ZNF420: variants seen among roughly 807,000 people sequenced by gnomAD.
ZNF420 encodes zinc finger protein 420, also known as ATM and p53-associated KZNF protein.
In ZNF420, 31 loss-of-function variants were observed where a neutral mutation model predicts 44.7. The ratio of observed to expected loss-of-function variants is 0.69; its 90% confidence interval spans 0.52 to 0.94. The LOEUF (loss-of-function observed/expected upper bound fraction) is 0.94. ZNF420 is among the 40% of genes least tolerant of loss of function. ZNF420 has a pLI of 0.00. For synonymous variants in ZNF420, 245 were observed against 267.4 expected (o/e 0.92, Z 0.82); for missense variants, 681 against 827.9 (o/e 0.82, Z 2.18).
chr19:37,118,706 T>C (rs1416164392), intron 4 of ZNF420, among the ~76,000 whole-genome samples: 2 of 151,748 alleles, frequency 1.3e-5, no homozygotes, highest in African/African-American at 4.8e-5. Context: ...CCCATCAGTG[T>C]GCTGTATTCA....
Position 37,127,330 on chromosome 19 carries a change from A to T in ZNF420, c.339A>T (p.Ile113=). ...QKEYFRQGMI[I]YDKMSIFNQH... ...AATATTTCAGGCAAGGGATGATCATATATGACAAAATGTCCATTTTCAACC... is the reference window on the plus strand; with the variant it reads ...AATATTTCAGGCAAGGGATGATCATTTATGACAAAATGTCCATTTTCAACC... The change falls in exon 5 of 5, where the codon ATA becomes ATT. Residue 113 remains isoleucine, a synonymous_variant. Coordinates refer to ENST00000337995, the MANE Select transcript of ZNF420 (RefSeq NM_144689.5). The T allele has an allele frequency of 6.2e-7, 1 of 1,611,930 alleles. No homozygotes were observed.
At chr19:37,087,158 G>T (rs770677094) in intron 2 of ZNF420, among the ~76,000 whole-genome samples, 9 of 151,900 alleles carry the variant, frequency 5.9e-5, no homozygotes, top group Non-Finnish European at 5.9e-5. Context: ...GATGGCACAT[G>T]CCTGCAGTCC....
At chr19:37,063,374 T>G (rs1403888805) in intron 1 of ZNF420, among the ~76,000 whole-genome samples, 1 of 152,170 alleles carries the variant, frequency 6.6e-6, no homozygotes, top group Non-Finnish European at 1.5e-5. Context: ...TCCCAGGCAT[T>G]GTGAAGACCC....
chr19:37,012,756 C>CTA (rs1328525013), intron 1 of ZNF420, among the ~76,000 whole-genome samples: 11 of 111,232 alleles, frequency 9.9e-5, no homozygotes, highest in Admixed American at 2.0e-4. Flanking sequence ...TGTGCCACTG[C>CTA]TATATGTCTC....
At chr19:37,126,441 T>G (rs1971350352) in intron 4 of ZNF420, among the ~76,000 whole-genome samples, 1 of 152,034 alleles carries the variant, frequency 6.6e-6, no homozygotes, top group Non-Finnish European at 1.5e-5. Context: ...GAGAAGACCA[T>G]GGAAGGGGAA....
At chr19:37,084,409 C>T (rs1968642997) in intron 2 of ZNF420, among the ~76,000 whole-genome samples, 1 of 151,798 alleles carries the variant, frequency 6.6e-6, no homozygotes, top group Non-Finnish European at 1.5e-5. Flanking sequence ...ACTTGTGGTT[C>T]CAAAGTCAAA....
chr19:37,107,709 G>A (rs145434225), intron 4 of ZNF420: 2,656 of 152,374 alleles, frequency 0.017, 39 homozygotes, highest in Middle Eastern at 0.054. Context: ...ACAACAGACA[G>A]AACAGGCACA....
chr19:37,027,679 A>G (rs891593747), intron 1 of ZNF420, among the ~76,000 whole-genome samples: 1 of 152,188 alleles, frequency 6.6e-6, no homozygotes, highest in African/African-American at 2.4e-5. Context: ...ACTATACACT[A>G]TGTGGCCTTT....
At chr19:37,049,213 A>G (rs1490614037) in intron 1 of ZNF420, among the ~76,000 whole-genome samples, 1 of 152,126 alleles carries the variant, frequency 6.6e-6, no homozygotes, top group Non-Finnish European at 1.5e-5. Flanking sequence ...ATGATTTCTA[A>G]TGCTTTGGGT....
chr19:37,120,481 A>G (rs905338309), intron 4 of ZNF420, among the ~76,000 whole-genome samples: 2 of 152,180 alleles, frequency 1.3e-5, no homozygotes, highest in African/African-American at 4.8e-5. Flanking sequence ...TCTCAAAATA[A>G]TAAGAGCTAT....
At chr19:37,076,260 T>G (rs1369746968), upstream of ZNF420, among the ~76,000 whole-genome samples, 2 of 151,784 alleles carry the variant, frequency 1.3e-5, no homozygotes, top group Non-Finnish European at 2.9e-5. Context: ...CGGCTCAAGA[T>G]CAATGCATGC....
chr19:37,025,043 GT>G, intron 1 of ZNF420: 1 of 233,272 alleles, frequency 4.3e-6, no homozygotes. Flanking sequence ...TCTCACATTT[GT>G]TACATTAAAA....
At chr19:37,011,729 T>C (rs964417309) in intron 1 of ZNF420, among the ~76,000 whole-genome samples, 7 of 152,142 alleles carry the variant, frequency 4.6e-5, no homozygotes, top group African/African-American at 1.2e-4. Flanking sequence ...CTGGACACCA[T>C]TGTTCGTCTC....
chr19:37,068,917 A>C (rs1968012949), intron 1 of ZNF420, among the ~76,000 whole-genome samples: 1 of 152,180 alleles, frequency 6.6e-6, no homozygotes, highest in South Asian at 2.1e-4. Context: ...AGATATAAAA[A>C]TTGCAAGCTT....
rs180866586 is a variant in ZNF420, at chr19:37,124,857, G to A, written c.137-2271G>A. Among the ~76,000 whole-genome samples, 155 of 151,504 alleles carry A rather than the reference G, an allele frequency of 1.0e-3. 4 individuals are homozygous for A. In the South Asian group the frequency reaches 0.017, roughly 17 times the overall value. Reference sequence around the variant, plus strand: ...TGATTTTGTATTTTGTTTTTTTTGAGATGAAGTCTTGCACTGTCACCCAGG... The same window carrying A: ...TGATTTTGTATTTTGTTTTTTTTGAAATGAAGTCTTGCACTGTCACCCAGG... On this transcript the variant is annotated intron_variant, in intron 4 of 4. Coordinates refer to ENST00000337995, the MANE Select transcript of ZNF420 (RefSeq NM_144689.5).
At chr19:37,107,383 CT>C (rs529297990) in intron 4 of ZNF420, 4 of 151,982 alleles carry the variant, frequency 2.6e-5, no homozygotes, top group African/African-American at 7.3e-5. Context: ...CCTTCAAGCA[CT>C]TTTTTTTAAC....
intron 4 of ZNF420, among the ~76,000 whole-genome samples, chr19:37,126,632 G>A (rs985079016): frequency 3.3e-5 from 5 of 152,174 alleles, no homozygotes; most frequent in Admixed American, 1.3e-4. Context: ...ATGTTGGACA[G>A]CTATAATTTT....
chr19:37,087,630 G>A (rs115288296), intron 2 of ZNF420, among the ~76,000 whole-genome samples: 2,633 of 152,134 alleles, frequency 0.017, 40 homozygotes, highest in Middle Eastern at 0.054. Flanking sequence ...GTGGGTTGAG[G>A]GTAAAGACTT....
At chr19:37,100,724 A>T (rs1969724611) in intron 4 of ZNF420, among the ~76,000 whole-genome samples, 1 of 151,346 alleles carries the variant, frequency 6.6e-6, no homozygotes, top group Admixed American at 6.6e-5. Flanking sequence ...AAAAAAAAAA[A>T]ATTGCTTTGG....
Sources: allele counts gnomAD v4.1 joint callset (sites outside exome capture counted in the v4.1 genomes callset), GRCh38; gene constraint gnomAD v4.1.1; transcripts MANE v1.5; gene names NCBI Gene and HGNC (gene_info 2026-07-23, HGNC 2026-07-21).